NUDCD3: variants seen among roughly 807,000 people sequenced by gnomAD.
NUDCD3 encodes nudC domain-containing protein 3.
In NUDCD3, 13 loss-of-function variants were observed where a neutral mutation model predicts 39.7. The ratio of observed to expected loss-of-function variants is 0.33; its 90% CI spans 0.21 to 0.52. The LOEUF is 0.52. NUDCD3 is among the 20% of genes least tolerant of loss of function. The pLI is 0.96. For synonymous variants in NUDCD3, 175 were observed against 172.4 expected (o/e 1.02, Z -0.12); for missense variants, 453 against 458.1 (o/e 0.99, Z 0.10).
chr7:44,482,065 G>A (rs773852199), intron 2 of NUDCD3, among the ~76,000 whole-genome samples: 1 of 152,206 alleles, frequency 6.6e-6, no homozygotes, highest in Non-Finnish European at 1.5e-5. Flanking sequence ...AGCAGCCTAA[G>A]TGGACTATGA....
At chr7:44,410,624 A>C (rs1798905235) in intron 3 of NUDCD3, among the ~76,000 whole-genome samples, 1 of 150,438 alleles carries the variant, frequency 6.6e-6, no homozygotes, top group Non-Finnish European at 1.5e-5. Context: ...AGATCCTGCC[A>C]CTGCACTCCA....
chr7:44,391,508 C>A (rs1486209998), intron 5 of NUDCD3, among the ~76,000 whole-genome samples: 1 of 152,166 alleles, frequency 6.6e-6, no homozygotes. Flanking sequence ...GATCAGCGAT[C>A]TTCAGGGGGA....
chr7:44,415,779 A>C (rs1420329068), intron 3 of NUDCD3, among the ~76,000 whole-genome samples: 1 of 152,246 alleles, frequency 6.6e-6, no homozygotes, highest in African/African-American at 2.4e-5. Context: ...AAGCCCCTGA[A>C]TCACCAACCC....
chr7:44,489,702 T>C (rs748701154), intron 1 of NUDCD3: 10 of 107,660 alleles, frequency 9.3e-5, no homozygotes, highest in Non-Finnish European at 1.7e-4. Flanking sequence ...TTTCTATTAC[T>C]TTCTGGGTTT....
At chr7:44,447,176 C>A (rs1215435035) in intron 2 of NUDCD3, among the ~76,000 whole-genome samples, 1 of 152,216 alleles carries the variant, frequency 6.6e-6, no homozygotes, top group Non-Finnish European at 1.5e-5. Context: ...TTATTGAAGT[C>A]CCATCTCAGC....
chr7:44,469,100 T>C (rs1800196146), intron 2 of NUDCD3, among the ~76,000 whole-genome samples: 1 of 124,140 alleles, frequency 8.1e-6, no homozygotes, highest in South Asian at 2.4e-4. Flanking sequence ...AGGGCCAGTT[T>C]TCAAACAAAC....
chr7:44,390,693 T>C (rs949887743), intron 5 of NUDCD3, among the ~76,000 whole-genome samples: 13 of 152,218 alleles, frequency 8.5e-5, no homozygotes, highest in Non-Finnish European at 1.6e-4. Flanking sequence ...GTGGACCCAA[T>C]GCTGAATATG....
chr7:44,393,188 G>A (rs961974790), intron 4 of NUDCD3, among the ~76,000 whole-genome samples: 1 of 152,076 alleles, frequency 6.6e-6, no homozygotes, highest in African/African-American at 2.4e-5. Context: ...AAGGAGAAAC[G>A]ACCATCAAGA....
chr7:44,440,119 G>A (rs909715949), intron 2 of NUDCD3, among the ~76,000 whole-genome samples: 6 of 152,286 alleles, frequency 3.9e-5, no homozygotes, highest in East Asian at 1.9e-4. Context: ...AGGGGACAAC[G>A]GGCACATGAC....
chr7:44,412,953 A>AAAAAAAAAAAAAAAAAAAAC (rs1798959113), intron 3 of NUDCD3, among the ~76,000 whole-genome samples: 1 of 151,176 alleles, frequency 6.6e-6, no homozygotes, highest in African/African-American at 2.4e-5. Flanking sequence ...GAAAAAAAAA[A>AAAAAAAAAAAAAAAAAAAAC]AGAAAGAAAC....
chr7:44,449,739 C>T (rs1187886087), intron 2 of NUDCD3, among the ~76,000 whole-genome samples: 2 of 151,814 alleles, frequency 1.3e-5, no homozygotes, highest in African/African-American at 4.8e-5. Context: ...GAATCACAGA[C>T]CTAAATATAA....
chr7:44,385,958 C>T lies in NUDCD3; in HGVS notation c.*53G>A, dbSNP rs1280288457. 1.1e-6 allele frequency: 1 copy of T among 908,244 alleles called. No individual in the cohort carries two copies. The highest frequency in any genetic ancestry group is 1.9e-6 in the Non-Finnish European group (1 of 539,874). 56.3% of individuals were successfully genotyped at this position (908,244 alleles called of 1,614,324 possible). On this transcript the variant is annotated 3_prime_UTR_variant, in exon 6 of 6. Transcript: ENST00000355451. The stretch of plus-strand genomic sequence containing the variant: ...AATGCAGGGAGCCAAGAAGGGCAGC[C>T]GAGGATAAGGCTCTGCCTCCCCACC...
intron 2 of NUDCD3, among the ~76,000 whole-genome samples, chr7:44,438,470 A>G (rs1258976500): frequency 1.3e-5 from 2 of 152,146 alleles, no homozygotes; most frequent in Non-Finnish European, 2.9e-5. Flanking sequence ...TAATTCATCC[A>G]CAGCTTACAC....
chr7:44,468,938 T>G (rs901098415), intron 2 of NUDCD3, among the ~76,000 whole-genome samples: 1 of 151,696 alleles, frequency 6.6e-6, no homozygotes, highest in Non-Finnish European at 1.5e-5. Context: ...CACCAAGAAC[T>G]AATAAATAAG....
intron 5 of NUDCD3, among the ~76,000 whole-genome samples, chr7:44,389,507 T>C (rs111843702): frequency 0.042 from 6,381 of 152,170 alleles, 166 homozygotes; most frequent in Non-Finnish European, 0.063. Flanking sequence ...TGAAACCCCG[T>C]CTCTACTAAA....
intron 2 of NUDCD3, among the ~76,000 whole-genome samples, chr7:44,436,123 G>A (rs1294295311): frequency 2.6e-5 from 4 of 152,156 alleles, no homozygotes; most frequent in African/African-American, 9.7e-5. Context: ...AAAATTTTTT[G>A]AGACAATCAG....
intron 2 of NUDCD3, among the ~76,000 whole-genome samples, chr7:44,438,664 G>A (rs1799515020): frequency 6.9e-6 from 1 of 144,818 alleles, no homozygotes; most frequent in African/African-American, 2.6e-5. Context: ...AGTGCTAAGA[G>A]AAGGGGACTG....
At chr7:44,386,197 C>A in intron 5 of NUDCD3, 76 bp from the exon 6 acceptor site, 1 of 1,505,040 alleles carries the variant, frequency 6.6e-7, no homozygotes, top group Non-Finnish European at 9.1e-7. Flanking sequence ...ACTCTGACTG[C>A]AGGTAGAGAG....
intron 2 of NUDCD3, among the ~76,000 whole-genome samples, chr7:44,441,405 C>A (rs766337683): frequency 3.3e-5 from 5 of 151,958 alleles, no homozygotes; most frequent in Non-Finnish European, 7.4e-5. Context: ...ACTTTCAGTA[C>A]CAAGAACCAC....
Sources: allele counts gnomAD v4.1 joint callset (sites outside exome capture counted in the v4.1 genomes callset), GRCh38; gene constraint gnomAD v4.1.1; transcripts MANE v1.5; gene names NCBI Gene and HGNC (gene_info 2026-07-23, HGNC 2026-07-21).